Variants in LGR4 observed in about 807,000 individuals in gnomAD.
The protein encoded by LGR4 is leucine-rich repeat-containing G protein-coupled receptor 4.
A neutral mutation model predicts 84.8 loss-of-function variants in LGR4; 44 were observed. The ratio of observed to expected loss-of-function variants is 0.52; its 90% CI spans 0.41 to 0.67. LGR4 has a LOEUF of 0.67. Among genes scored for constraint, LGR4 ranks in the 30% least tolerant of loss-of-function variants. LGR4 has a pLI of 0.00. For missense variants in LGR4, 1,032 were observed against 1,131.4 expected (o/e 0.91, Z 1.26); for synonymous variants, 429 against 434.3 (o/e 0.99, Z 0.15).
At chr11:27,434,203 G>A (rs933090969) in intron 1 of LGR4, among the ~76,000 whole-genome samples, 7 of 152,188 alleles carry the variant, frequency 4.6e-5, no homozygotes, top group Non-Finnish European at 1.0e-4. Context: ...GAGGGATCTG[G>A]AACCTGACGA....
chr11:27,454,162 G>A (rs977789588), intron 1 of LGR4, among the ~76,000 whole-genome samples: 6 of 152,066 alleles, frequency 3.9e-5, no homozygotes, highest in African/African-American at 9.7e-5. Context: ...TTGCCAATCC[G>A]AAAATTTTTA....
intron 2 of LGR4, among the ~76,000 whole-genome samples, chr11:27,394,684 G>A (rs1259969734): frequency 5.3e-5 from 8 of 152,000 alleles, no homozygotes; most frequent in African/African-American, 1.9e-4. Flanking sequence ...TCTTTTAAAT[G>A]TTTCACCTAG....
Position 27,367,684 on chromosome 11 carries a change from T to G in LGR4, c.*183A>C. On this transcript the variant is annotated 3_prime_UTR_variant, in exon 18 of 18. Transcript: ENST00000379214. ...CTTGGACATTGCATTTTTCACCAAT[T>G]TATAATTTAGGCACCTGTTCTTTGA... The G allele has an allele frequency of 1.9e-6, 1 of 515,890 alleles. No individual in the cohort carries two copies. Among genetic ancestry groups the G allele is most frequent in the Non-Finnish European group, 3.4e-6 (1 of 294,252 alleles). The allele number at this position is 515,890 out of a possible 1,614,324, so 32.0% of individuals were successfully genotyped here.
chr11:27,416,488 A>G (rs1167062741), intron 1 of LGR4, among the ~76,000 whole-genome samples: 1 of 152,182 alleles, frequency 6.6e-6, no homozygotes, highest in Non-Finnish European at 1.5e-5. Context: ...TGCTCCTGGA[A>G]GCCATCTGAA....
chr11:27,412,143 A>C (rs901333904), intron 2 of LGR4, among the ~76,000 whole-genome samples: 3 of 152,148 alleles, frequency 2.0e-5, no homozygotes, highest in African/African-American at 7.2e-5. Flanking sequence ...TATGGACTTC[A>C]AAAAAGTGTG....
At chr11:27,424,177 C>T (rs1414917165) in intron 1 of LGR4, among the ~76,000 whole-genome samples, 1 of 152,178 alleles carries the variant, frequency 6.6e-6, no homozygotes, top group Non-Finnish European at 1.5e-5. Context: ...TAACCTCCAG[C>T]AAAACCAGCC....
chr11:27,426,398 T>G (rs1341856620), intron 1 of LGR4, among the ~76,000 whole-genome samples: 2 of 152,232 alleles, frequency 1.3e-5, no homozygotes, highest in South Asian at 4.1e-4. Context: ...TCAGTAAAAC[T>G]AATTTTTCTT....
At chr11:27,429,684 G>A (rs938975960) in intron 1 of LGR4, among the ~76,000 whole-genome samples, 4 of 152,106 alleles carry the variant, frequency 2.6e-5, no homozygotes, top group African/African-American at 7.2e-5. Flanking sequence ...TGAATCTCAC[G>A]CATATTAACC....
chr11:27,421,119 G>A (rs776247809), intron 1 of LGR4, among the ~76,000 whole-genome samples: 1 of 152,154 alleles, frequency 6.6e-6, no homozygotes, highest in African/African-American at 2.4e-5. Flanking sequence ...ATATTACAAT[G>A]GGACGAAGGG....
intron 7 of LGR4, among the ~76,000 whole-genome samples, chr11:27,381,672 A>C (rs1249763493): frequency 6.6e-6 from 1 of 151,934 alleles, no homozygotes; most frequent in East Asian, 1.9e-4. Context: ...CCTGGGCGAC[A>C]GAGTGAGACT....
chr11:27,448,410 A>G (rs1225868176), intron 1 of LGR4, among the ~76,000 whole-genome samples: 2 of 151,602 alleles, frequency 1.3e-5, no homozygotes, highest in Non-Finnish European at 2.9e-5. Flanking sequence ...CTCCTGCCTC[A>G]GCCTCCTGAG....
chr11:27,418,841 T>TC (rs543168935), intron 1 of LGR4, among the ~76,000 whole-genome samples: 166 of 151,060 alleles, frequency 1.1e-3, no homozygotes, highest in Non-Finnish European at 1.2e-3. Context: ...TCTTTTTTTT[T>TC]TTTTTTTTTG....
Position 27,377,193 on chromosome 11 carries a change from A to T in LGR4, c.1074T>A (p.Leu358=). 1.3e-6 allele frequency: 2 copies of T among 1,586,808 alleles called. No homozygotes were observed. Among genetic ancestry groups the T allele is most frequent in the Non-Finnish European group, 1.7e-6 (2 of 1,157,778 alleles). The part of the protein sequence containing the change: ...LDLSYNNIRD[L]PSFNGCHALE... ...GAGCATGGCAACCATTAAAACTTGG[A>T]AGGTCTCTTATATTATTGTAAGACA... Residue 358 remains leucine, a synonymous_variant, in exon 12 of 18, where the codon CTT becomes CTA. Transcript: ENST00000379214.
At chr11:27,421,723 C>G (rs1422708388) in intron 1 of LGR4, among the ~76,000 whole-genome samples, 1 of 152,164 alleles carries the variant, frequency 6.6e-6, no homozygotes, top group Admixed American at 6.5e-5. Flanking sequence ...TCAATATTTT[C>G]TAGCTTTAAA....
At chr11:27,469,339 C>A (rs1228464733) in intron 1 of LGR4, among the ~76,000 whole-genome samples, 4 of 152,200 alleles carry the variant, frequency 2.6e-5, no homozygotes, top group African/African-American at 7.2e-5. Context: ...CTTCTCAAAT[C>A]TGGACAAAAG....
intron 1 of LGR4, among the ~76,000 whole-genome samples, chr11:27,429,648 C>G (rs754708626): frequency 2.1e-4 from 32 of 152,124 alleles, no homozygotes; most frequent in Non-Finnish European, 7.3e-5. Flanking sequence ...GTAATTAGAT[C>G]ATTTGTCAAT....
chr11:27,414,947 A>C (rs1863786311), intron 1 of LGR4, among the ~76,000 whole-genome samples: 1 of 152,124 alleles, frequency 6.6e-6, no homozygotes, highest in Non-Finnish European at 1.5e-5. Flanking sequence ...GGAGGAGTCT[A>C]CCTTTTCAGA....
chr11:27,424,379 G>A (rs1000739104), intron 1 of LGR4, among the ~76,000 whole-genome samples: 1 of 152,162 alleles, frequency 6.6e-6, no homozygotes, highest in Non-Finnish European at 1.5e-5. Context: ...TCGGGAGCCT[G>A]AGGGAGGCTA....
intron 1 of LGR4, among the ~76,000 whole-genome samples, chr11:27,452,718 G>A (rs1392881348): frequency 2.7e-5 from 4 of 149,972 alleles, no homozygotes; most frequent in African/African-American, 9.9e-5. Context: ...CCGCCTCCCG[G>A]GTTCACACCA....
Sources: gnomAD v4.1 joint callset for allele counts (sites outside exome capture counted in the v4.1 genomes callset) on GRCh38, gnomAD v4.1.1 for gene constraint, MANE v1.5 for transcripts, NCBI Gene and HGNC (gene_info 2026-07-23, HGNC 2026-07-21) for gene names.